Variants in PICK1 observed in about 807,000 individuals in gnomAD.
PICK1 encodes the protein protein interacting with PRKCA 1, also known as PRKCA-binding protein.
In PICK1, 23 loss-of-function variants were observed where a neutral mutation model predicts 48.9. The observed-to-expected ratio is 0.47, with a 90% CI of 0.34 to 0.67. The LOEUF (loss-of-function observed/expected upper bound fraction) is 0.67. Among genes scored for constraint, PICK1 ranks in the 30% least tolerant of loss-of-function variants. The pLI is 0.01. For missense variants in PICK1, 423 were observed against 557.1 expected, an observed-to-expected ratio of 0.76 and a Z score of 2.42; for synonymous variants, 217 against 228.2, an observed-to-expected ratio of 0.95 and a Z score of 0.44.
chr22:38,072,883 G>T, intron 9 of PICK1, 117 bp from the exon 10 acceptor site: 1 of 850,588 alleles, frequency 1.2e-6, no homozygotes, highest in African/African-American at 1.7e-5. Flanking sequence ...GCATCAGGGA[G>T]CACCATCTGG....
chr22:38,074,715 GC>G lies in PICK1; in HGVS notation c.980-145del. 8.9e-7 allele frequency: 1 copy of G among 1,129,226 alleles called. No homozygotes were observed. Among genetic ancestry groups the G allele is most frequent in the Non-Finnish European group, 1.3e-6 (1 of 792,016 alleles). The allele number at this position is 1,129,226 out of a possible 1,614,324, so 70.0% of individuals were successfully genotyped here. On this transcript the variant is annotated intron_variant, in intron 12 of 12. Coordinates refer to ENST00000356976, the MANE Select transcript of PICK1 (RefSeq NM_012407.4). The surrounding 1 kb of genome is among the most constrained non-coding windows in gnomAD (Gnocchi z 4.5). The stretch of plus-strand genomic sequence containing the variant: ...CCCGGGCTGGGCGGCCCCTGCCTCC[GC>G]CCCTTGCCAGGTCATGAGGGGTCAG...
intron 5 of PICK1, 98 bp from the exon 6 acceptor site, chr22:38,068,935 C>A: frequency 1.0e-6 from 1 of 976,768 alleles, no homozygotes; most frequent in Non-Finnish European, 1.6e-6. Context: ...AGCCCTTCTG[C>A]CCCCTGTGGG....
At chr22:38,058,288 T>A (rs1353613168) in intron 2 of PICK1, 2 of 231,502 alleles carry the variant, frequency 8.6e-6, no homozygotes, top group Non-Finnish European at 1.7e-5. Context: ...TGCCTTTCTC[T>A]ATGCTCAGCA....
intron 9 of PICK1, 38 bp downstream of exon 9, chr22:38,072,648 G>A (rs768119277): frequency 1.9e-6 from 3 of 1,609,196 alleles, no homozygotes; most frequent in South Asian, 2.2e-5. Flanking sequence ...TGGCGTGTGA[G>A]GGTGGGGAGG....
rs755226406 is a variant in PICK1, at chr22:38,074,833, C to G, written c.980-31C>G. ...CCCTGAGGCAGGCAGCCAGAGCCCA[C>G]TGCAGCCTGTCCCCCGACCTCCCAC... On this transcript the variant is annotated intron_variant, in intron 12 of 12. Coordinates refer to ENST00000356976, the MANE Select transcript of PICK1 (RefSeq NM_012407.4). This position sits in a 1 kb window ranked among gnomAD's most constrained non-coding sequence, Gnocchi z 4.5. The G allele has an allele frequency of 1.1e-5, 18 of 1,605,546 alleles. No individual in the cohort carries two copies. The highest frequency in any genetic ancestry group is 1.5e-5 in the Non-Finnish European group (18 of 1,179,682).
chr22:38,074,851 C>A lies in PICK1; in HGVS notation c.980-13C>A, dbSNP rs1201809090. ...GAGCCCACTGCAGCCTGTCCCCCGACCTCCCACCCCAGTCCAGGACATCGT... is the reference window on the plus strand; with the variant it reads ...GAGCCCACTGCAGCCTGTCCCCCGAACTCCCACCCCAGTCCAGGACATCGT... On this transcript the variant is annotated splice_polypyrimidine_tract_variant and intron_variant, in intron 12 of 12. Transcript: ENST00000356976. The surrounding 1 kb of genome is among the most constrained non-coding windows in gnomAD (Gnocchi z 4.5). The A allele has an allele frequency of 6.2e-7, 1 of 1,609,758 alleles. No homozygotes were observed. The highest frequency in any genetic ancestry group is 8.5e-7 in the Non-Finnish European group (1 of 1,179,916).
chr22:38,058,475 G>A (rs2085322868), intron 2 of PICK1, among the ~76,000 whole-genome samples: 1 of 152,156 alleles, frequency 6.6e-6, no homozygotes. Context: ...AAGACTCCCT[G>A]GAGTAGGTGG....
chr22:38,071,916 T>C (rs963138616), intron 8 of PICK1, 172 bp downstream of exon 8: 15 of 689,242 alleles, frequency 2.2e-5, no homozygotes, highest in Non-Finnish European at 4.0e-5. Context: ...CTAGATCAGC[T>C]GGTCTCTTAA....
At chr22:38,067,924 C>G (rs2085571093) in intron 5 of PICK1, 154 bp downstream of exon 5, 1 of 725,424 alleles carries the variant, frequency 1.4e-6, no homozygotes, top group South Asian at 1.5e-5. Flanking sequence ...CCAAGCAAAT[C>G]TGAAAGGCCT....
rs755797154 is a variant in PICK1 at position 38,072,551 on chromosome 22, G to A, written c.631G>A (p.Ala211Thr). The change falls in exon 9 of 13, where the codon GCC becomes ACC. Residue 211 changes from alanine (A) to threonine (T), a missense_variant. Ala to Thr is a moderately conservative substitution (Grantham distance 58). Transcript: ENST00000356976. ...TGCGAGCGAGGCTTTTGTGAAGTTC[G>A]CCGATGCCCACCGCAGCATCGAGAA... ...PAASEAFVKF[A>T]DAHRSIEKFG... 4 of 1,613,442 alleles carry A rather than the reference G, an allele frequency of 2.5e-6. No homozygotes were observed. Among genetic ancestry groups the A allele is most frequent in the East Asian group, 2.2e-5 (1 of 44,878 alleles).
chr22:38,071,810 T>C, intron 8 of PICK1, 66 bp downstream of exon 8: 1 of 1,410,580 alleles, frequency 7.1e-7, no homozygotes, highest in South Asian at 1.1e-5. Flanking sequence ...ACTCCCATGC[T>C]GAGGTGGGTC....
At chr22:38,071,889 G>A (rs2085705647) in intron 8 of PICK1, 145 bp downstream of exon 8, 1 of 732,064 alleles carries the variant, frequency 1.4e-6, no homozygotes, top group Non-Finnish European at 2.5e-6. Flanking sequence ...GATTTGCGAT[G>A]GGCCTGCGGG....
chr22:38,057,268 G>C (rs1601932109), upstream of PICK1: 1 of 177,796 alleles, frequency 5.6e-6, no homozygotes, highest in Non-Finnish European at 1.2e-5. Flanking sequence ...CTAACAGCGA[G>C]CTTCCGCCAA....
At chr22:38,072,667 T>C (rs2085730221) in intron 9 of PICK1, 57 bp downstream of exon 9, 1 of 1,602,568 alleles carries the variant, frequency 6.2e-7, no homozygotes, top group Non-Finnish European at 8.5e-7. Context: ...GGGGAGAGTG[T>C]GGCATGCAGA....
intron 5 of PICK1, among the ~76,000 whole-genome samples, 163 bp from the exon 6 acceptor site, chr22:38,068,870 G>A (rs2085600244): frequency 6.6e-6 from 1 of 152,216 alleles, no homozygotes; most frequent in African/African-American, 2.4e-5. Flanking sequence ...AGGGAATAGG[G>A]CAGGGGCCTA....
chr22:38,059,088 A>G (rs916294458), intron 2 of PICK1, 146 bp from the exon 3 acceptor site: 42 of 680,986 alleles, frequency 6.2e-5, no homozygotes, highest in Middle Eastern at 7.6e-4. Flanking sequence ...AGAGCTGTGC[A>G]TGTTCCAGCA....
Position 38,072,604 on chromosome 22 carries a change from C to G in PICK1, c.684C>G (p.Ile228Met), listed in dbSNP as rs761803705. ...EKFGIRLLKTIKPMLTDLNTY... is the reference protein window; with the variant it reads ...EKFGIRLLKTMKPMLTDLNTY... Reference sequence around the variant, plus strand: ...TCGGCATTCGGCTTCTGAAAACCATCAAGCCGGTAGGTCCTATTGAGCATG... The same window carrying G: ...TCGGCATTCGGCTTCTGAAAACCATGAAGCCGGTAGGTCCTATTGAGCATG... Residue 228 changes from isoleucine (I) to methionine (M), a missense_variant, in exon 9 of 13, where the codon ATC (isoleucine) becomes ATG (methionine). Coordinates refer to ENST00000356976, the MANE Select transcript of PICK1 (RefSeq NM_012407.4). 1.2e-6 allele frequency: 2 copies of G among 1,612,966 alleles called. No homozygotes were observed. The highest frequency in any genetic ancestry group is 1.7e-6 in the Non-Finnish European group (2 of 1,180,030).
chr22:38,072,788 G>A (rs2085734295), intron 9 of PICK1, among the ~76,000 whole-genome samples, 178 bp downstream of exon 9: 1 of 152,068 alleles, frequency 6.6e-6, no homozygotes, highest in Non-Finnish European at 1.5e-5. Context: ...ATTGACCTCT[G>A]GGCTGGCTTC....
At position 38,074,858 on chromosome 22, in the gene PICK1, C is replaced by A. The variant is rs375990605; in HGVS notation, c.980-6C>A. Reference sequence around the variant, plus strand: ...CTGCAGCCTGTCCCCCGACCTCCCACCCCAGTCCAGGACATCGTGTTCCAG... The same window carrying A: ...CTGCAGCCTGTCCCCCGACCTCCCAACCCAGTCCAGGACATCGTGTTCCAG... On this transcript the variant is annotated splice_polypyrimidine_tract_variant and splice_region_variant and intron_variant, in intron 12 of 12. Coordinates refer to ENST00000356976, the MANE Select transcript of PICK1 (RefSeq NM_012407.4). This position sits in a 1 kb window ranked among gnomAD's most constrained non-coding sequence, Gnocchi z 4.5. The A allele has an allele frequency of 6.2e-7, 1 of 1,610,924 alleles. No individual in the cohort carries two copies. Among genetic ancestry groups the A allele is most frequent in the Non-Finnish European group, 8.5e-7 (1 of 1,179,940 alleles).
Sources: gnomAD v4.1 joint callset for allele counts (sites outside exome capture counted in the v4.1 genomes callset) on GRCh38, gnomAD v4.1.1 for gene constraint, Gnocchi (gnomAD v3.1) non-coding constraint, MANE v1.5 for transcripts, NCBI Gene and HGNC (gene_info 2026-07-23, HGNC 2026-07-21) for gene names.